Variants in TMEM63C observed in about 807,000 individuals in gnomAD.
TMEM63C encodes osmosensitive cation channel TMEM63C.
In TMEM63C, 32 loss-of-function variants were observed where a neutral mutation model predicts 99.2. The ratio of observed to expected loss-of-function variants is 0.32; its 90% CI spans 0.24 to 0.43. The LOEUF (loss-of-function observed/expected upper bound fraction) is 0.43, where lower values mean the gene tolerates loss of function less well. Among genes scored for constraint, TMEM63C ranks in the 20% least tolerant of loss-of-function variants. The probability of loss-of-function intolerance (pLI) is 1.00; values close to 1 mark genes in which losing one functional copy is unlikely to be tolerated. For missense variants in TMEM63C, 826 were observed against 1,053.0 expected, an observed-to-expected ratio of 0.78 and a Z score of 2.98; for synonymous variants, 376 against 397.9, an observed-to-expected ratio of 0.94 and a Z score of 0.66.
intron 7 of TMEM63C, among the ~76,000 whole-genome samples, chr14:77,232,577 C>A (rs145461454): frequency 6.6e-6 from 1 of 152,156 alleles, no homozygotes; most frequent in Admixed American, 6.5e-5. Flanking sequence ...CATGAGCCAC[C>A]GCACCTGGCC....
At chr14:77,256,420 T>G (rs1889461542) in intron 23 of TMEM63C, 106 bp from the exon 24 acceptor site, 3 of 1,118,944 alleles carry the variant, frequency 2.7e-6, no homozygotes, top group Admixed American at 3.7e-5. Flanking sequence ...CTCCAAGGTC[T>G]GGAGGAGACA....
Position 77,244,352 on chromosome 14 carries a change from C to T in TMEM63C, c.1345C>T (p.Pro449Ser). Reference sequence around the variant, plus strand: ...GTCCTCCCCTCTCCCCCTGCAGAACCCAATTGTGACCCAGTTCTTCCCCTC... The same window carrying T: ...GTCCTCCCCTCTCCCCCTGCAGAACTCAATTGTGACCCAGTTCTTCCCCTC... Reference protein sequence around the residue: ...VTRPIEKLQNPIVTQFFPSVM... With the variant: ...VTRPIEKLQNSIVTQFFPSVM... Residue 449 changes from proline to serine, a missense_variant, in exon 16 of 24, where the codon CCA becomes TCA. Physicochemically the swap from Pro to Ser is moderately conservative, Grantham distance 74. Coordinates refer to ENST00000298351, the MANE Select transcript of TMEM63C (RefSeq NM_020431.4). 1 of 1,613,396 alleles carries T rather than the reference C, an allele frequency of 6.2e-7. No individual in the cohort carries two copies. Among genetic ancestry groups the T allele is most frequent in the Non-Finnish European group, 8.5e-7 (1 of 1,179,436 alleles).
Position 77,183,529 on chromosome 14 carries a change from G to A in TMEM63C, c.-77+1635G>A, listed in dbSNP as rs564456821. ...CCAAAAACAGGCATCCCTCCTGCCC[G>A]AGTGCCAGCAGCTGTGAGCATAGCC... On this transcript the variant is annotated intron_variant, in intron 1 of 23. Transcript: ENST00000298351. 4.6e-5 allele frequency among the ~76,000 whole-genome samples: 7 copies of A among 152,284 alleles called. No homozygotes were observed. In the East Asian group the frequency reaches 9.7e-4, roughly 21 times the overall value.
chr14:77,183,517 T>C (rs751669899), intron 1 of TMEM63C, among the ~76,000 whole-genome samples: 3 of 152,092 alleles, frequency 2.0e-5, no homozygotes, highest in Non-Finnish European at 4.4e-5. Context: ...AAAACAGGCA[T>C]CCCTCCTGCC....
intron 7 of TMEM63C, among the ~76,000 whole-genome samples, chr14:77,232,191 C>T (rs1888954935): frequency 6.6e-6 from 1 of 152,186 alleles, no homozygotes; most frequent in African/African-American, 2.4e-5. Context: ...GCTTCTAAAA[C>T]AGAAAAATCA....
At chr14:77,219,477 A>ATTGCTT (rs775047854) in intron 3 of TMEM63C, 21 bp from the exon 4 acceptor site, 29 of 1,613,456 alleles carry the variant, frequency 1.8e-5, no homozygotes, top group Admixed American at 3.3e-5. Flanking sequence ...CCCACCCCAC[A>ATTGCTT]TTGCTTTTCC....
intron 18 of TMEM63C, 62 bp from the exon 19 acceptor site, chr14:77,248,285 T>C (rs1489812784): frequency 2.0e-6 from 3 of 1,482,072 alleles, no homozygotes; most frequent in Non-Finnish European, 2.8e-6. Flanking sequence ...TCTCCTCCCT[T>C]TTAACATCTC....
intron 6 of TMEM63C, among the ~76,000 whole-genome samples, chr14:77,227,914 C>G (rs1470493872): frequency 1.3e-5 from 2 of 152,136 alleles, no homozygotes; most frequent in Non-Finnish European, 2.9e-5. Flanking sequence ...GGAGGGAAAA[C>G]AGGTCAGGGA....
intron 15 of TMEM63C, 27 bp from the exon 16 acceptor site, chr14:77,244,322 C>T: frequency 1.3e-6 from 2 of 1,548,186 alleles, no homozygotes; most frequent in Non-Finnish European, 8.9e-7. Flanking sequence ...GACGTCTCTC[C>T]TGCCGTCCTC....
chr14:77,247,208 C>CT lies in TMEM63C; in HGVS notation c.1601+544dup, dbSNP rs11296024. Among the ~76,000 whole-genome samples the CT allele has an allele frequency of 1.5e-3, 229 of 149,404 alleles. 1 individual carries two copies. The highest frequency in any genetic ancestry group is 4.1e-3 in the African/African-American group (169 of 40,904). ...TAGTCTTTATAAACACAAGATATTGCTTTTTTTTTTGAGACCAAGTCTCAT... is the reference window on the plus strand; with the variant it reads ...TAGTCTTTATAAACACAAGATATTGCTTTTTTTTTTTGAGACCAAGTCTCAT... On this transcript the variant is annotated intron_variant, in intron 18 of 23. Coordinates refer to ENST00000298351, the MANE Select transcript of TMEM63C (RefSeq NM_020431.4).
intron 9 of TMEM63C, among the ~76,000 whole-genome samples, chr14:77,237,006 CT>C (rs1253870280): frequency 6.7e-6 from 1 of 149,956 alleles, no homozygotes; most frequent in Non-Finnish European, 1.5e-5. Context: ...CTCCTCCACG[CT>C]GCTCCACCCT....
chr14:77,231,687 C>T lies in TMEM63C; in HGVS notation c.450C>T (p.Ser150=), dbSNP rs377232350. 3 of 1,551,684 alleles carry T rather than the reference C, an allele frequency of 1.9e-6. No homozygotes were observed. Among genetic ancestry groups the T allele is most frequent in the Non-Finnish European group, 2.6e-6 (3 of 1,146,988 alleles). Residue 150 remains serine, a synonymous_variant, in exon 7 of 24, where the codon TCC becomes TCT. Transcript: ENST00000298351. ...TTGTGCTCATCATCTGTATCCCCTCCCTGGGCATCATTTTGCCCATCAACT... is the reference window on the plus strand; with the variant it reads ...TTGTGCTCATCATCTGTATCCCCTCTCTGGGCATCATTTTGCCCATCAACT... ...IIFVLIICIP[S]LGIILPINYT...
intron 14 of TMEM63C, 45 bp from the exon 15 acceptor site, chr14:77,242,858 G>A (rs1031659838): frequency 5.6e-6 from 9 of 1,611,794 alleles, no homozygotes; most frequent in Admixed American, 1.7e-5. Context: ...TGGGCTCTAA[G>A]AACTGATGTC....
chr14:77,188,894 T>A (rs1888052195), intron 1 of TMEM63C, among the ~76,000 whole-genome samples: 2 of 152,030 alleles, frequency 1.3e-5, no homozygotes, highest in African/African-American at 4.8e-5. Flanking sequence ...TCTGCAAGAA[T>A]AGAATAATGA....
chr14:77,215,958 A>G (rs1411476667), intron 2 of TMEM63C, among the ~76,000 whole-genome samples: 1 of 152,186 alleles, frequency 6.6e-6, no homozygotes. Context: ...CTCTCCTGTC[A>G]TTCTCTCTGG....
chr14:77,227,790 G>T (rs400266), intron 6 of TMEM63C, among the ~76,000 whole-genome samples: 60,331 of 152,082 alleles, frequency 0.4, 13,460 homozygotes, highest in Non-Finnish European at 0.49. Flanking sequence ...GGTGAGTTGG[G>T]TCTCTGTTGG....
At chr14:77,189,632 T>C (rs1281173241) in intron 1 of TMEM63C, among the ~76,000 whole-genome samples, 1 of 152,242 alleles carries the variant, frequency 6.6e-6, no homozygotes, top group Non-Finnish European at 1.5e-5. Flanking sequence ...TGTTTACATT[T>C]GTTAATTCAG....
chr14:77,199,333 G>A (rs1192057165), intron 1 of TMEM63C, among the ~76,000 whole-genome samples: 1 of 152,154 alleles, frequency 6.6e-6, no homozygotes, highest in Non-Finnish European at 1.5e-5. Context: ...CTTCCTCCAA[G>A]ACCTTCAATA....
At chr14:77,187,964 T>C (rs1011983393) in intron 1 of TMEM63C, among the ~76,000 whole-genome samples, 1 of 152,210 alleles carries the variant, frequency 6.6e-6, no homozygotes, top group African/African-American at 2.4e-5. Flanking sequence ...ATGTGTCAGA[T>C]GCCCTTGAAG....
Sources: allele counts gnomAD v4.1 joint callset (sites outside exome capture counted in the v4.1 genomes callset), GRCh38; gene constraint gnomAD v4.1.1; transcripts MANE v1.5; gene names NCBI Gene and HGNC (gene_info 2026-07-23, HGNC 2026-07-21).